AGMO: variants seen among roughly 807,000 people sequenced by gnomAD.
AGMO encodes glyceryl-ether monooxygenase.
In AGMO, 75 loss-of-function variants were observed where a neutral mutation model predicts 60.2. That is an observed-to-expected ratio of 1.25 (90% CI 1.03 to 1.51). The LOEUF (loss-of-function observed/expected upper bound fraction) is 1.51. Among genes scored for constraint, AGMO ranks in the 40% most tolerant of loss-of-function variants. The pLI is 0.00. For synonymous variants in AGMO, 261 were observed against 177.1 expected, an observed-to-expected ratio of 1.47 and a Z score of -3.76; for missense variants, 763 against 525.5, an observed-to-expected ratio of 1.45 and a Z score of -4.42.
Position 15,554,161 on chromosome 7 carries a change from A to G in AGMO, c.257+5980T>C, listed in dbSNP as rs562989087. ...ACATTTTCAAAAATGTTCTCAGAAG[A>G]CCTTGAATCATAAACCAAAGTTCCT... On this transcript the variant is annotated intron_variant, in intron 2 of 12. Coordinates refer to ENST00000342526, the MANE Select transcript of AGMO (RefSeq NM_001004320.2). 1.3e-4 allele frequency among the ~76,000 whole-genome samples: 20 copies of G among 152,164 alleles called. No homozygotes were observed. The Middle Eastern group carries it at 0.01, about 78-fold the overall frequency.
intron 12 of AGMO, among the ~76,000 whole-genome samples, chr7:15,248,214 A>ATATATATAATG (rs1782819978): frequency 1.4e-5 from 1 of 71,160 alleles, no homozygotes; most frequent in Non-Finnish European, 3.0e-5. Context: ...ATATATATAT[A>ATATATATAATG]TATATATATA....
chr7:15,190,205 A>ACC, the AGMO span, among the ~76,000 whole-genome samples: 1 of 1,870 alleles, frequency 5.3e-4, no homozygotes, highest in African/African-American at 1.7e-3. Context: ...ATATATTTAT[A>ACC]TATATATATA....
At chr7:15,385,712 G>C (rs1783884603) in intron 9 of AGMO, 150 bp from the exon 10 acceptor site, 3 of 635,082 alleles carry the variant, frequency 4.7e-6, no homozygotes, top group Non-Finnish European at 8.3e-6. Flanking sequence ...GTCTAAGTTA[G>C]GAGACTTTCT....
chr7:15,252,302 C>T lies in AGMO; in HGVS notation c.1264-50943G>A, dbSNP rs549768385. ...AAGTGTGATGGGAAAATTCTAAGATCGGCTCCATGAGCCCTGCCTTCTAGT... is the reference window on the plus strand; with the variant it reads ...AAGTGTGATGGGAAAATTCTAAGATTGGCTCCATGAGCCCTGCCTTCTAGT... On this transcript the variant is annotated intron_variant, in intron 12 of 12. Transcript: ENST00000342526. 1.8e-3 allele frequency among the ~76,000 whole-genome samples: 269 copies of T among 152,270 alleles called. 2 individuals are homozygous for T. Among genetic ancestry groups the T allele is most frequent in the Non-Finnish European group, 6.6e-4 (45 of 68,024 alleles).
rs185080847 is a variant in AGMO, at chr7:15,338,924, G to T, written c.1263+26590C>A. 2.1e-4 allele frequency among the ~76,000 whole-genome samples: 32 copies of T among 152,288 alleles called. No individual in the cohort carries two copies. The East Asian group carries it at 5.6e-3, about 27-fold the overall frequency. On this transcript the variant is annotated intron_variant, in intron 12 of 12. Transcript: ENST00000342526. ...AAACAATGTGGACAGTAGAAGGTTG[G>T]TTGGCAAGTGGGGAGCAGCCTCAAT...
At chr7:15,482,400 C>T (rs1782779500) in intron 3 of AGMO, among the ~76,000 whole-genome samples, 1 of 151,940 alleles carries the variant, frequency 6.6e-6, no homozygotes, top group African/African-American at 2.4e-5. Context: ...TATTTGAAAA[C>T]TTTAGTAAAT....
At chr7:15,248,258 TTTTC>T (rs964830182) in intron 12 of AGMO, among the ~76,000 whole-genome samples, 40 of 132,820 alleles carry the variant, frequency 3.0e-4, no homozygotes, top group Admixed American at 1.7e-3. Flanking sequence ...AAAATAATTA[TTTTC>T]TTTCTTTCTG....
chr7:15,561,944 C>T lies in AGMO; in HGVS notation c.-99G>A, dbSNP rs1208469262. On this transcript the variant is annotated 5_prime_UTR_variant, in exon 1 of 13. Coordinates refer to ENST00000342526, the MANE Select transcript of AGMO (RefSeq NM_001004320.2). The stretch of plus-strand genomic sequence containing the variant: ...GACGAGATGTGCAGCTCAGAACAAG[C>T]TCTTTGTCAGAGAACAGCTAAAACC... 3 of 1,313,768 alleles carry T rather than the reference C, an allele frequency of 2.3e-6. No individual in the cohort carries two copies. The highest frequency in any genetic ancestry group is 3.1e-6 in the Non-Finnish European group (3 of 975,116). 81.4% of individuals were successfully genotyped at this position (1,313,768 alleles called of 1,614,324 possible).
chr7:15,501,349 G>C lies in AGMO; in HGVS notation c.409+43423C>G, dbSNP rs529225707. Among the ~76,000 whole-genome samples the C allele has an allele frequency of 2.6e-5, 4 of 151,882 alleles. No homozygotes were observed. The East Asian group carries it at 7.7e-4, about 29-fold the overall frequency. On this transcript the variant is annotated intron_variant, in intron 3 of 12. Coordinates refer to ENST00000342526, the MANE Select transcript of AGMO (RefSeq NM_001004320.2). ...TTGGGGTTGCCTTCATAATATTTTA[G>C]GCAAAAAAGTAGATGCTTGTGATGA...
the AGMO span, among the ~76,000 whole-genome samples, chr7:15,185,611 C>A: frequency 6.6e-6 from 1 of 152,116 alleles, no homozygotes; most frequent in Non-Finnish European, 1.5e-5. Context: ...GTCCTGCTCA[C>A]GGAGGCCAGG....
chr7:15,184,604 A>AGG, the AGMO span, among the ~76,000 whole-genome samples: 141 of 115,538 alleles, frequency 1.2e-3, 19 homozygotes, highest in East Asian at 0.013. Context: ...AAGGGAAGGA[A>AGG]AGAAGGAAGA....
chr7:15,250,576 C>CACAG (rs931899981), intron 12 of AGMO, among the ~76,000 whole-genome samples: 6 of 152,102 alleles, frequency 3.9e-5, no homozygotes, highest in Admixed American at 1.3e-4. Context: ...CACACACACA[C>CACAG]ACACACACTC....
intron 2 of AGMO, among the ~76,000 whole-genome samples, chr7:15,559,694 A>G (rs1017029823): frequency 6.6e-6 from 1 of 152,092 alleles, no homozygotes; most frequent in Non-Finnish European, 1.5e-5. Flanking sequence ...GATTCATATT[A>G]TGGAAATGCT....
chr7:15,204,922 G>T (rs1004011398), intron 12 of AGMO, among the ~76,000 whole-genome samples: 2 of 151,996 alleles, frequency 1.3e-5, no homozygotes, highest in African/African-American at 2.4e-5. Context: ...CGAACTCCTG[G>T]GCTCAAGCAC....
At chr7:15,260,156 G>A (rs1411737848) in intron 12 of AGMO, among the ~76,000 whole-genome samples, 3 of 144,910 alleles carry the variant, frequency 2.1e-5, no homozygotes, top group Non-Finnish European at 4.5e-5. Context: ...GAATGGATAA[G>A]AATTCACCAA....
At chr7:15,521,813 C>A (rs984744136) in intron 3 of AGMO, among the ~76,000 whole-genome samples, 1 of 152,106 alleles carries the variant, frequency 6.6e-6, no homozygotes, top group Admixed American at 6.5e-5. Context: ...TCTCTCATCA[C>A]CCCTATTCAA....
intron 3 of AGMO, among the ~76,000 whole-genome samples, chr7:15,440,638 G>A (rs147924953): frequency 0.01 from 1,570 of 152,302 alleles, 85 homozygotes; most frequent in Admixed American, 0.086. Context: ...AGATAAGAAA[G>A]AAACTGTGTT....
intron 12 of AGMO, among the ~76,000 whole-genome samples, chr7:15,215,684 G>A (rs972759953): frequency 2.0e-5 from 3 of 152,004 alleles, no homozygotes; most frequent in Non-Finnish European, 4.4e-5. Flanking sequence ...GCACTATGGA[G>A]AATATCAAAG....
At chr7:15,229,853 A>G (rs1273184715) in intron 12 of AGMO, among the ~76,000 whole-genome samples, 1 of 150,778 alleles carries the variant, frequency 6.6e-6, no homozygotes, top group African/African-American at 2.4e-5. Context: ...TTGATACTGT[A>G]GAATTCAAAA....
Sources: gnomAD v4.1 joint callset for allele counts (sites outside exome capture counted in the v4.1 genomes callset) on GRCh38, gnomAD v4.1.1 for gene constraint, MANE v1.5 for transcripts, NCBI Gene and HGNC (gene_info 2026-07-23, HGNC 2026-07-21) for gene names.